Variants in WDR81 observed in about 807,000 individuals in gnomAD.
WDR81 encodes WD repeat domain 81.
A neutral mutation model predicts 140.8 loss-of-function variants in WDR81; 92 were observed. That is an observed-to-expected ratio of 0.65 (90% CI 0.55 to 0.78). WDR81 has a LOEUF of 0.78. WDR81 is among the 30% of genes least tolerant of loss of function. WDR81 has a pLI of 0.00. For synonymous variants in WDR81, 1,183 were observed against 1,156.4 expected (o/e 1.02, Z -0.47); for missense variants, 2,502 against 2,636.4 (o/e 0.95, Z 1.12).
intron 1 of WDR81, chr17:1,717,182 A>T: frequency 6.5e-6 from 1 of 154,534 alleles, no homozygotes; most frequent in South Asian, 1.8e-4. Context: ...CTTAGGGAAG[A>T]GATTCGAAGG....
chr17:1,724,871 A>G lies in WDR81; in HGVS notation c.-89A>G. ...CCAGCCCCTGTCCCGCGCCCATCCC[A>G]GCCCCGCCGGCCTGGCACCCCGGAA... On this transcript the variant is annotated 5_prime_UTR_variant, in exon 1 of 10. Coordinates refer to ENST00000409644, the MANE Select transcript of WDR81 (RefSeq NM_001163809.2). The G allele has an allele frequency of 7.9e-7, 1 of 1,263,282 alleles. No homozygotes were observed. The highest frequency in any genetic ancestry group is 9.9e-7 in the Non-Finnish European group (1 of 1,006,386). 78.3% of individuals were successfully genotyped at this position (1,263,282 alleles called of 1,614,324 possible). A position where few individuals can be genotyped will look rare whatever the true frequency, so the allele number is the denominator to read the frequency against.
intron 1 of WDR81, among the ~76,000 whole-genome samples, chr17:1,719,590 A>G (rs1419178589): frequency 6.8e-6 from 1 of 147,596 alleles, no homozygotes; most frequent in African/African-American, 2.5e-5. Flanking sequence ...GTGGCCAGGC[A>G]CAGTGGCTCA....
At chr17:1,718,817 G>C (rs1033410024) in intron 1 of WDR81, among the ~76,000 whole-genome samples, 1 of 152,170 alleles carries the variant, frequency 6.6e-6, no homozygotes, top group African/African-American at 2.4e-5. Context: ...CACGGCCCTT[G>C]GGGTGACCCT....
Position 1,725,473 on chromosome 17 carries a change from C to A in WDR81, c.514C>A (p.Pro172Thr). 6.5e-7 allele frequency: 1 copy of A among 1,548,786 alleles called. No homozygotes were observed. The change falls in exon 1 of 10, where the codon CCT (proline) becomes ACT (threonine). Residue 172 changes from proline (P) to threonine (T), a missense_variant. Coordinates refer to ENST00000409644, the MANE Select transcript of WDR81 (RefSeq NM_001163809.2). Reference sequence around the variant, plus strand: ...TCACAGCCCTGCCCCCTCAGCTGTCCCTGCCTTGGACTCAGTACGGCAGGC... The same window carrying A: ...TCACAGCCCTGCCCCCTCAGCTGTCACTGCCTTGGACTCAGTACGGCAGGC... ...YSHSPAPSAVPALDSVRQALQ... is the reference protein window; with the variant it reads ...YSHSPAPSAVTALDSVRQALQ...
Position 1,725,105 on chromosome 17 carries a change from C to T in WDR81, c.146C>T (p.Pro49Leu). The T allele has an allele frequency of 2.0e-6, 3 of 1,509,918 alleles. No individual in the cohort carries two copies. The highest frequency in any genetic ancestry group is 2.7e-6 in the Non-Finnish European group (3 of 1,130,238). 93.5% of individuals were successfully genotyped at this position (1,509,918 alleles called of 1,614,324 possible). ...SIDPRQLAPA[P>L]GGTHVVALVP... ...GATCCCAGGCAGCTGGCTCCGGCCCCGGGGGGCACCCACGTGGTGGCCCTA... is the reference window on the plus strand; with the variant it reads ...GATCCCAGGCAGCTGGCTCCGGCCCTGGGGGGCACCCACGTGGTGGCCCTA... The change falls in exon 1 of 10, where the codon CCG (proline) becomes CTG (leucine). Residue 49 changes from proline (P) to leucine (L), a missense_variant. Pro to Leu is a moderately conservative substitution (Grantham distance 98). This residue lies in a region of WDR81 where 547 missense variants were observed against 513.8 expected (regional missense o/e 1.06). Coordinates refer to ENST00000409644, the MANE Select transcript of WDR81 (RefSeq NM_001163809.2).
Position 1,724,715 on chromosome 17 carries a change from C to A in WDR81, c.-245C>A. 1 of 1,093,186 alleles carries A rather than the reference C, an allele frequency of 9.1e-7. No individual in the cohort carries two copies. Among genetic ancestry groups the A allele is most frequent in the Non-Finnish European group, 1.1e-6 (1 of 900,718 alleles). The allele number at this position is 1,093,186 out of a possible 1,614,324, so 67.7% of individuals were successfully genotyped here. A position where few individuals can be genotyped will look rare whatever the true frequency, so the allele number is the denominator to read the frequency against. On this transcript the variant is annotated 5_prime_UTR_variant, in exon 1 of 10. Coordinates refer to ENST00000409644, the MANE Select transcript of WDR81 (RefSeq NM_001163809.2). ...ACGTGACCCGCGTCAGCTGACCCGT[C>A]ACGGTGGAGCCCGGTGCTCGCGCCC... is the stretch of plus-strand genomic sequence containing the variant.
chr17:1,728,764 T>A, intron 1 of WDR81, 138 bp downstream of exon 1: 1 of 1,172,894 alleles, frequency 8.5e-7, no homozygotes, highest in Non-Finnish European at 1.1e-6. Flanking sequence ...ACCATCCTAA[T>A]AACAAGGTGA....
Position 1,732,482 on chromosome 17 carries a change from C to T in WDR81, c.4315C>T (p.Arg1439Trp), listed in dbSNP as rs141491316. ...GGTCTTCTCTCAGCTGCATGAGCTT[C>T]GGCAACAGGTGGGCAGATCTGCTGG... ...FQVFSQLHEL[R>W]QQDLKLDPAG... is the part of the protein sequence containing the mutation. The change falls in exon 5 of 10, where the codon CGG (arginine) becomes TGG (tryptophan). Residue 1439 changes from arginine to tryptophan, a missense_variant. By Grantham distance (101) the Arg-to-Trp change is moderately radical (BLOSUM62 -3). Around this residue, in one of 3 missense-constraint regions of WDR81, gnomAD observed 1,737 missense variants for 1,843.0 expected, o/e 0.94. Transcript: ENST00000409644. 85 of 1,565,024 alleles carry T rather than the reference C, an allele frequency of 5.4e-5. No homozygotes were observed. The highest frequency in any genetic ancestry group is 6.9e-5 in the Admixed American group (4 of 58,290).
rs766126834 is a variant in WDR81, at chr17:1,728,373, A to G, written c.3414A>G (p.Arg1138=). The G allele has an allele frequency of 1.2e-5, 20 of 1,612,848 alleles. No individual in the cohort carries two copies. Among genetic ancestry groups the G allele is most frequent in the Non-Finnish European group, 1.6e-5 (19 of 1,180,012 alleles). The change falls in exon 1 of 10, where the codon CGA becomes CGG. Residue 1138 remains arginine, a synonymous_variant. Coordinates refer to ENST00000409644, the MANE Select transcript of WDR81 (RefSeq NM_001163809.2). ...GGAPVDKSSL[R]SGDSSQDLKQ... is the part of the protein sequence containing the mutation. The stretch of plus-strand genomic sequence containing the variant: ...CCCCCGTGGACAAGAGCAGCCTTCG[A>G]TCAGGTGACAGCAGCCAGGACTTGA...
chr17:1,716,661 G>T, intron 1 of WDR81: 4 of 1,551,416 alleles, frequency 2.6e-6, no homozygotes, highest in Non-Finnish European at 3.5e-6. Context: ...AACTGAGCTC[G>T]GAATCCAGCC....
At position 1,726,358 on chromosome 17, in the gene WDR81, G is replaced by A. The variant is rs751726458; in HGVS notation, c.1399G>A (p.Val467Ile). The change falls in exon 1 of 10, where the codon GTC (valine) becomes ATC (isoleucine). Residue 467 changes from valine (V) to isoleucine (I), a missense_variant. This residue lies in a region of WDR81 where 218 missense variants were observed against 279.6 expected (regional missense o/e 0.78). Coordinates refer to ENST00000409644, the MANE Select transcript of WDR81 (RefSeq NM_001163809.2). Reference sequence around the variant, plus strand: ...GCCTCGGTCGGTGCTCTGCGGACACGTCCGCGCGCAGTGGGAGCCCCATGA... The same window carrying A: ...GCCTCGGTCGGTGCTCTGCGGACACATCCGCGCGCAGTGGGAGCCCCATGA... Reference protein sequence around the residue: ...RTPRSVLCGHVRAQWEPHEYP... With the variant: ...RTPRSVLCGHIRAQWEPHEYP... 5.8e-6 allele frequency: 9 copies of A among 1,548,532 alleles called. No homozygotes were observed. Among genetic ancestry groups the A allele is most frequent in the South Asian group, 1.2e-5 (1 of 83,876 alleles).
upstream of WDR81, chr17:1,724,657 G>A (rs946717957): frequency 3.0e-5 from 31 of 1,036,966 alleles, no homozygotes; most frequent in South Asian, 4.6e-5. Flanking sequence ...GGCCTCTGGA[G>A]CCACGTGCGC....
In WDR81 at chr17:1,733,402, A is replaced by T. The variant is rs995487891; in HGVS notation, c.4490-125A>T. The T allele has an allele frequency of 2.3e-5, 21 of 907,718 alleles. No homozygotes were observed. The Admixed American group carries it at 5.2e-4, about 22-fold the overall frequency. 56.2% of individuals were successfully genotyped at this position (907,718 alleles called of 1,614,324 possible). A position where few individuals can be genotyped will look rare whatever the true frequency, so the allele number is the denominator to read the frequency against. ...GGAGGAAACTGAGGCTCAGAGACAG[A>T]GTTACTTGCCCAGAGTTGCAGAGCC... On this transcript the variant is annotated intron_variant, in intron 6 of 9. Transcript: ENST00000409644.
upstream of WDR81, chr17:1,724,687 A>T (rs1229580641): frequency 9.4e-7 from 1 of 1,066,668 alleles, no homozygotes; most frequent in Non-Finnish European, 1.1e-6. Flanking sequence ...TGCTGGGGCG[A>T]TCACGTGACC....
rs762685717 is a variant in WDR81, at chr17:1,728,309, C to G, written c.3350C>G (p.Thr1117Ser). ...RLSDKSSTSE[T>S]SLGEERAPDE... ...AGTGACAAGAGCAGCACCAGCGAGACCTCCCTGGGTGAGGAGCGGGCTCCA... is the reference window on the plus strand; with the variant it reads ...AGTGACAAGAGCAGCACCAGCGAGAGCTCCCTGGGTGAGGAGCGGGCTCCA... Residue 1117 changes from threonine to serine, a missense_variant, in exon 1 of 10, where the codon ACC becomes AGC. Thr to Ser is a moderately conservative substitution (Grantham distance 58). This residue lies in a region of WDR81 where 1,737 missense variants were observed against 1,843.0 expected (regional missense o/e 0.94). Transcript: ENST00000409644. 31 of 1,612,688 alleles carry G rather than the reference C, an allele frequency of 1.9e-5. No homozygotes were observed. The highest frequency in any genetic ancestry group is 4.0e-5 in the African/African-American group (3 of 74,930).
chr17:1,716,655 G>C (rs1238101440), intron 1 of WDR81: 6 of 1,551,566 alleles, frequency 3.9e-6, no homozygotes, highest in Non-Finnish European at 5.2e-6. Flanking sequence ...TTTTTAAACT[G>C]AGCTCGGAAT....
At chr17:1,728,952 C>CA (rs957350625) in intron 1 of WDR81, among the ~76,000 whole-genome samples, 48 of 151,798 alleles carry the variant, frequency 3.2e-4, no homozygotes, top group African/African-American at 1.1e-3. Flanking sequence ...GACTCCATCT[C>CA]AAAAAAACAA....
At position 1,727,023 on chromosome 17, in the gene WDR81, A is replaced by C. The variant is rs115497243; in HGVS notation, c.2064A>C (p.Gly688=). ...QLGSSSQASP[G]LLSFSVASAS... is the part of the protein sequence containing the mutation. ...GCTCCTCCAGTCAAGCGTCCCCTGG[A>C]CTTCTCTCTTTCTCAGTGGCCTCAG... Residue 688 remains glycine (G), a synonymous_variant, in exon 1 of 10, where the codon GGA becomes GGC. Coordinates refer to ENST00000409644, the MANE Select transcript of WDR81 (RefSeq NM_001163809.2). The C allele has an allele frequency of 3.6e-3, 5,583 of 1,550,190 alleles. 162 individuals carry two copies. The African/African-American group carries it at 0.066, about 18-fold the overall frequency.
chr17:1,721,631 G>T (rs1432327803), upstream of WDR81, among the ~76,000 whole-genome samples: 1 of 151,600 alleles, frequency 6.6e-6, no homozygotes, highest in African/African-American at 2.4e-5. Flanking sequence ...AGACCAGCCT[G>T]GGAAACATGG....
Sources: allele counts gnomAD v4.1 joint callset (sites outside exome capture counted in the v4.1 genomes callset), GRCh38; gene constraint gnomAD v4.1.1; regional missense constraint gnomAD v4.1.1; transcripts MANE v1.5; gene names NCBI Gene and HGNC (gene_info 2026-07-23, HGNC 2026-07-21).